The following MXI1 variants were observed in gnomAD, a reference collection of about 807,000 sequenced individuals.
MXI1 encodes the protein MAX interactor 1, dimerization protein, also known as max-interacting protein 1.
A neutral mutation model predicts 36.9 loss-of-function variants in MXI1; 18 were observed. That is an observed-to-expected ratio of 0.49 (90% CI 0.34 to 0.72). MXI1 has a LOEUF of 0.72. Among genes scored for constraint, MXI1 ranks in the 30% least tolerant of loss-of-function variants. MXI1 has a pLI of 0.01. For synonymous variants in MXI1, 160 were observed against 146.7 expected, an observed-to-expected ratio of 1.09 and a Z score of -0.65; for missense variants, 304 against 379.1, an observed-to-expected ratio of 0.80 and a Z score of 1.64.
At chr10:110,248,846 GGAT>G (rs1855966563) in intron 3 of MXI1, among the ~76,000 whole-genome samples, 1 of 151,804 alleles carries the variant, frequency 6.6e-6, no homozygotes, top group South Asian at 2.1e-4. Context: ...TTTTTAAAAG[GGAT>G]TTTTATCAAC....
rs1857420549 is a variant in MXI1, at chr10:110,286,082, A to C, written c.*1095A>C. 6.6e-6 allele frequency: 1 copy of C among 152,646 alleles called. No individual in the cohort carries two copies. The highest frequency in any genetic ancestry group is 1.5e-5 in the Non-Finnish European group (1 of 68,036). 9.5% of individuals were successfully genotyped at this position (152,646 alleles called of 1,614,324 possible). ...GCACAAAATGAATGAGGTCTGGGCT[A>C]GGTAGAAAAAGGGTCAATGCTATTT... On this transcript the variant is annotated 3_prime_UTR_variant, in exon 6 of 6. Coordinates refer to ENST00000332674, the MANE Select transcript of MXI1 (RefSeq NM_130439.3).
chr10:110,268,470 C>G (rs1856754722), intron 3 of MXI1, among the ~76,000 whole-genome samples: 1 of 152,052 alleles, frequency 6.6e-6, no homozygotes, highest in South Asian at 2.1e-4. Context: ...TAACTTGAAC[C>G]CAGTCTTTTA....
intron 3 of MXI1, among the ~76,000 whole-genome samples, chr10:110,251,447 C>T (rs1856083587): frequency 6.6e-6 from 1 of 151,938 alleles, no homozygotes; most frequent in Non-Finnish European, 1.5e-5. Context: ...TTATATTTCA[C>T]CTTTCAGTAC....
rs560169411 is a variant in MXI1, at chr10:110,231,955, C to G, written c.407+3634C>G. On this transcript the variant is annotated intron_variant, in intron 2 of 5. Coordinates refer to ENST00000332674, the MANE Select transcript of MXI1 (RefSeq NM_130439.3). Reference sequence around the variant, plus strand: ...TTGGACGACTGCAGTAACTTCCTACCTGGTGTCCCTGCAACTACAGTTTTT... The same window carrying G: ...TTGGACGACTGCAGTAACTTCCTACGTGGTGTCCCTGCAACTACAGTTTTT... 2.0e-5 allele frequency among the ~76,000 whole-genome samples: 3 copies of G among 151,776 alleles called. No homozygotes were observed. The South Asian group carries it at 6.3e-4, about 32-fold the overall frequency.
At chr10:110,271,369 C>T (rs1856846976) in intron 3 of MXI1, among the ~76,000 whole-genome samples, 1 of 152,186 alleles carries the variant, frequency 6.6e-6, no homozygotes, top group Admixed American at 6.5e-5. Context: ...AGAAGTATTA[C>T]ATCTCTCCTC....
At chr10:110,220,410 C>G (rs1854772746) in intron 1 of MXI1, among the ~76,000 whole-genome samples, 1 of 152,186 alleles carries the variant, frequency 6.6e-6, no homozygotes, top group Non-Finnish European at 1.5e-5. Context: ...ATACCTTGGA[C>G]AGGCAAGAGA....
chr10:110,280,414 C>A (rs545045814), intron 5 of MXI1, among the ~76,000 whole-genome samples: 1 of 151,836 alleles, frequency 6.6e-6, no homozygotes, highest in South Asian at 2.1e-4. Context: ...TGCCCGGTGG[C>A]TCATGCCTGT....
intron 1 of MXI1, among the ~76,000 whole-genome samples, chr10:110,226,932 T>G (rs1242975643): frequency 6.1e-4 from 1 of 1,650 alleles, no homozygotes; most frequent in African/African-American, 3.0e-3. Flanking sequence ...GGGAGGGGCG[T>G]GTGAGGGGAG....
intron 1 of MXI1, chr10:110,226,003 C>A (rs540330922): frequency 2.0e-6 from 2 of 983,138 alleles, no homozygotes; most frequent in African/African-American, 3.5e-5. Context: ...GGTAAACAAA[C>A]CACGCGCGGG....
chr10:110,222,429 C>A (rs1268015230), intron 1 of MXI1, among the ~76,000 whole-genome samples: 1 of 152,210 alleles, frequency 6.6e-6, no homozygotes, highest in Non-Finnish European at 1.5e-5. Flanking sequence ...ACACATCAGC[C>A]TCCATTGTTT....
At chr10:110,254,978 A>G (rs1856233975) in intron 3 of MXI1, among the ~76,000 whole-genome samples, 1 of 152,052 alleles carries the variant, frequency 6.6e-6, no homozygotes, top group African/African-American at 2.4e-5. Context: ...ACAGATTTTC[A>G]AAGTAGACGA....
chr10:110,230,370 C>T (rs371495686), intron 2 of MXI1, among the ~76,000 whole-genome samples: 2 of 152,064 alleles, frequency 1.3e-5, no homozygotes, highest in African/African-American at 2.4e-5. Flanking sequence ...CATAGCATGT[C>T]GGAAAATTTG....
intron 1 of MXI1, chr10:110,227,583 G>A: frequency 2.0e-6 from 2 of 979,186 alleles, no homozygotes; most frequent in Non-Finnish European, 2.4e-6. Flanking sequence ...GGATGCTGGG[G>A]GGGGTCAGGG....
intron 5 of MXI1, 22 bp from the exon 6 acceptor site, chr10:110,284,801 CT>C (rs138538431): frequency 5.6e-3 from 6,556 of 1,165,252 alleles, no homozygotes; most frequent in Middle Eastern, 6.1e-3. Flanking sequence ...TAATGTTCTT[CT>C]TTTTTTTTTT....
At chr10:110,282,732 A>G (rs1857299383) in intron 5 of MXI1, among the ~76,000 whole-genome samples, 1 of 151,624 alleles carries the variant, frequency 6.6e-6, no homozygotes, top group South Asian at 2.1e-4. Context: ...TGAGCTGGCA[A>G]CCTCCTTTTT....
chr10:110,279,457 A>T (rs1330256845), intron 4 of MXI1, among the ~76,000 whole-genome samples, 163 bp downstream of exon 4: 2 of 152,254 alleles, frequency 1.3e-5, no homozygotes, highest in African/African-American at 2.4e-5. Flanking sequence ...GATGGGAACA[A>T]CATAACCTGA....
intron 3 of MXI1, among the ~76,000 whole-genome samples, chr10:110,245,972 T>G (rs1471661705): frequency 6.6e-6 from 1 of 152,190 alleles, no homozygotes; most frequent in East Asian, 1.9e-4. Context: ...GAAGACAAAT[T>G]TGGAAGAGAA....
At chr10:110,276,351 TTGGTCCCAATCCA>T (rs1378888275) in intron 3 of MXI1, among the ~76,000 whole-genome samples, 1 of 152,230 alleles carries the variant, frequency 6.6e-6, no homozygotes, top group Non-Finnish European at 1.5e-5. Flanking sequence ...ATGTTTAAAC[TTGGTCCCAATCCA>T]TAAATTTAGG....
Position 110,228,253 on chromosome 10 carries a change from G to A in MXI1, c.339G>A (p.Lys113=). Reference sequence around the variant, plus strand: ...CGAGCCCCCGACTGCAGCATTCAAAGCCCCCACGGAGGTTGAGCCGGGCAC... The same window carrying A: ...CGAGCCCCCGACTGCAGCATTCAAAACCCCCACGGAGGTTGAGCCGGGCAC... ...SMPSPRLQHS[K]PPRRLSRAQK... Residue 113 remains lysine, a synonymous_variant, in exon 2 of 6, where the codon AAG becomes AAA. Coordinates refer to ENST00000332674, the MANE Select transcript of MXI1 (RefSeq NM_130439.3). The A allele has an allele frequency of 6.2e-7, 1 of 1,614,092 alleles. No homozygotes were observed. The highest frequency in any genetic ancestry group is 8.5e-7 in the Non-Finnish European group (1 of 1,180,010).
Sources: gnomAD v4.1 joint callset for allele counts (sites outside exome capture counted in the v4.1 genomes callset) on GRCh38, gnomAD v4.1.1 for gene constraint, MANE v1.5 for transcripts, NCBI Gene and HGNC (gene_info 2026-07-23, HGNC 2026-07-21) for gene names.